FAM168B: variants seen among roughly 807,000 people sequenced by gnomAD.
The protein encoded by FAM168B is myelin-associated neurite-outgrowth inhibitor.
FAM168B carries 19 observed loss-of-function variants against 21.8 expected under a neutral mutation model. The ratio of observed to expected loss-of-function variants is 0.87; its 90% confidence interval spans 0.61 to 1.28. The LOEUF is 1.28. Ranked by LOEUF, FAM168B falls within the 50% of genes most tolerant of loss-of-function variation. FAM168B has a pLI of 0.00. For synonymous variants in FAM168B, 126 were observed against 104.8 expected, an observed-to-expected ratio of 1.20 and a Z score of -1.24; for missense variants, 233 against 263.1, an observed-to-expected ratio of 0.89 and a Z score of 0.79.
intron 2 of FAM168B, among the ~76,000 whole-genome samples, chr2:131,080,629 T>C (rs1693385321): frequency 6.9e-6 from 1 of 145,246 alleles, no homozygotes; most frequent in Non-Finnish European, 1.5e-5. Context: ...AAAATAAAAA[T>C]AAAAGAGGTA....
chr2:131,087,872 A>T (rs796255348), intron 1 of FAM168B, among the ~76,000 whole-genome samples: 2 of 152,248 alleles, frequency 1.3e-5, no homozygotes, highest in African/African-American at 4.8e-5. Flanking sequence ...CAAAAACTGC[A>T]AATTCAAATG....
intron 3 of FAM168B, among the ~76,000 whole-genome samples, chr2:131,065,611 G>A (rs1427044206): frequency 2.0e-5 from 3 of 151,948 alleles, no homozygotes; most frequent in African/African-American, 7.2e-5. Context: ...CACACATGGA[G>A]AAACCCCGTC....
intron 2 of FAM168B, among the ~76,000 whole-genome samples, chr2:131,080,407 G>A (rs536157368): frequency 6.6e-6 from 1 of 151,578 alleles, no homozygotes; most frequent in Admixed American, 6.6e-5. Context: ...GGAGGCTCAG[G>A]AGAGCGGATC....
intron 5 of FAM168B, among the ~76,000 whole-genome samples, chr2:131,053,977 G>A (rs1691854023): frequency 6.6e-6 from 1 of 152,188 alleles, no homozygotes; most frequent in African/African-American, 2.4e-5. Flanking sequence ...GCCGAGGCAG[G>A]TGGATCACCT....
At chr2:131,086,782 A>ATAAAGTGTTCTG (rs1573822542) in intron 1 of FAM168B, among the ~76,000 whole-genome samples, 4 of 147,548 alleles carry the variant, frequency 2.7e-5, no homozygotes, top group Admixed American at 6.6e-5. Context: ...TCACAAGAGA[A>ATAAAGTGTTCTG]AGGCCGGGCG....
chr2:131,055,440 A>G lies in FAM168B; in HGVS notation c.307T>C (p.Tyr103His). 6.2e-7 allele frequency: 1 copy of G among 1,609,280 alleles called. No homozygotes were observed. Among genetic ancestry groups the G allele is most frequent in the Non-Finnish European group, 8.5e-7 (1 of 1,178,566 alleles). Reference sequence around the variant, plus strand: ...GCTGCATACAGCGGCTGTGTGTAGTACGTGCCTTGCTGTGGGGAGAAGAGA... The same window carrying G: ...GCTGCATACAGCGGCTGTGTGTAGTGCGTGCCTTGCTGTGGGGAGAAGAGA... ...QQSPYAQQGT[Y>H]YTQPLYAAPP... Residue 103 changes from tyrosine (Y) to histidine (H), a missense_variant, in exon 5 of 7, where the codon TAC (tyrosine) becomes CAC (histidine). By Grantham distance (83) the Tyr-to-His change is moderately conservative. Coordinates refer to ENST00000389915, the MANE Select transcript of FAM168B (RefSeq NM_001009993.4).
chr2:131,082,659 T>TA lies in FAM168B; in HGVS notation c.-11-3dup. 6.3e-7 allele frequency: 1 copy of TA among 1,583,000 alleles called. No homozygotes were observed. Among genetic ancestry groups the TA allele is most frequent in the African/African-American group, 1.4e-5 (1 of 73,054 alleles). On this transcript the variant is annotated splice_region_variant and splice_polypyrimidine_tract_variant and intron_variant, in intron 1 of 6. Coordinates refer to ENST00000389915, the MANE Select transcript of FAM168B (RefSeq NM_001009993.4). ...AAACAGGATTCATGATTTCAAAAAC[T>TA]AAAAGAAAAAAAAGGGAATTTAGCC...
At chr2:131,080,693 AG>A (rs1268014904) in intron 2 of FAM168B, among the ~76,000 whole-genome samples, 1 of 149,660 alleles carries the variant, frequency 6.7e-6, no homozygotes, top group East Asian at 2.0e-4. Flanking sequence ...TTTTTGAGAC[AG>A]AGTCTTGCTC....
intron 3 of FAM168B, among the ~76,000 whole-genome samples, chr2:131,070,831 A>G (rs1236529466): frequency 6.6e-6 from 1 of 152,240 alleles, no homozygotes; most frequent in African/African-American, 2.4e-5. Flanking sequence ...AATATGGCAA[A>G]CAGCTAGGGA....
chr2:131,074,341 A>T (rs901254162), intron 2 of FAM168B, among the ~76,000 whole-genome samples: 1 of 152,044 alleles, frequency 6.6e-6, no homozygotes, highest in Non-Finnish European at 1.5e-5. Context: ...GTTGGCCAGG[A>T]TGGTCTCCAT....
At chr2:131,085,916 T>A (rs1693672398) in intron 1 of FAM168B, among the ~76,000 whole-genome samples, 1 of 152,202 alleles carries the variant, frequency 6.6e-6, no homozygotes, top group Non-Finnish European at 1.5e-5. Flanking sequence ...GAGGCTACTG[T>A]GAGATTGATC....
chr2:131,055,822 GC>G, intron 3 of FAM168B, 127 bp from the exon 4 acceptor site: 1 of 1,101,644 alleles, frequency 9.1e-7, no homozygotes. Flanking sequence ...TGCCACTGCC[GC>G]CCCCACTCTC....
rs1441951089 is a variant in FAM168B at position 131,048,902 on chromosome 2, G to A, written c.*3563C>T. 1 of 985,876 alleles carries A rather than the reference G, an allele frequency of 1.0e-6. No individual in the cohort carries two copies. The highest frequency in any genetic ancestry group is 1.2e-6 in the Non-Finnish European group (1 of 830,090). The allele number at this position is 985,876 out of a possible 1,614,324, so 61.1% of individuals were successfully genotyped here. The stretch of plus-strand genomic sequence containing the variant: ...GTCCTGTCCGGGCAACAGCCAAACT[G>A]GCGACAATGGACACATCCAACAGTC... On this transcript the variant is annotated 3_prime_UTR_variant, in exon 7 of 7. Transcript: ENST00000389915.
At chr2:131,084,581 A>G (rs6746460) in intron 1 of FAM168B, among the ~76,000 whole-genome samples, 2,183 of 151,938 alleles carry the variant, frequency 0.014, 54 homozygotes, top group African/African-American at 0.049. Context: ...ACCTCTATGA[A>G]TCCATTCAAT....
Position 131,052,011 on chromosome 2 carries a change from C to T in FAM168B, c.*454G>A, listed in dbSNP as rs528961187. On this transcript the variant is annotated 3_prime_UTR_variant, in exon 7 of 7. Coordinates refer to ENST00000389915, the MANE Select transcript of FAM168B (RefSeq NM_001009993.4). ...TTCAGATGCTCTATGAAGAAATTCA[C>T]TTTAACACTTATAACTGTAAGACTT... The T allele has an allele frequency of 1.0e-6, 1 of 985,680 alleles. No homozygotes were observed. Among genetic ancestry groups the T allele is most frequent in the South Asian group, 4.7e-5 (1 of 21,292 alleles). The allele number at this position is 985,680 out of a possible 1,614,324, so 61.1% of individuals were successfully genotyped here. A position where few individuals can be genotyped will look rare whatever the true frequency, so the allele number is the denominator to read the frequency against.
rs144431955 is a variant in FAM168B at position 131,089,029 on chromosome 2, C to T, written c.-12+4185G>A. ...TTGCCCAGGCTGGAGTGCAATGGCG[C>T]GATCTCAGCTCACCGCAACTTCTGA... On this transcript the variant is annotated intron_variant, in intron 1 of 6. Coordinates refer to ENST00000389915, the MANE Select transcript of FAM168B (RefSeq NM_001009993.4). Among the ~76,000 whole-genome samples the T allele has an allele frequency of 5.6e-3, 848 of 151,256 alleles. 7 individuals carry two copies. The highest frequency in any genetic ancestry group is 0.02 in the African/African-American group (808 of 41,042).
intron 1 of FAM168B, among the ~76,000 whole-genome samples, chr2:131,088,014 T>G (rs1282792429): frequency 2.6e-5 from 4 of 152,006 alleles, no homozygotes; most frequent in African/African-American, 9.7e-5. Flanking sequence ...GGGAGGCCGA[T>G]GAGGGCGGAT....
intron 1 of FAM168B, among the ~76,000 whole-genome samples, chr2:131,083,477 T>G (rs1348641505): frequency 1.3e-5 from 2 of 152,148 alleles, no homozygotes; most frequent in African/African-American, 4.8e-5. Flanking sequence ...GAGGTGGAGA[T>G]TAGCAGTGAG....
At chr2:131,059,572 C>G (rs1025926562) in intron 3 of FAM168B, among the ~76,000 whole-genome samples, 4 of 152,108 alleles carry the variant, frequency 2.6e-5, no homozygotes, top group African/African-American at 7.2e-5. Context: ...CTTATCTGAC[C>G]AAGATGATAT....
Sources: gnomAD v4.1 joint callset for allele counts (sites outside exome capture counted in the v4.1 genomes callset) on GRCh38, gnomAD v4.1.1 for gene constraint, MANE v1.5 for transcripts, NCBI Gene and HGNC (gene_info 2026-07-23, HGNC 2026-07-21) for gene names.